ATAD2B: variants seen among roughly 807,000 people sequenced by gnomAD.
ATAD2B encodes ATPase family AAA domain-containing protein 2B.
ATAD2B carries 40 observed loss-of-function variants against 167.6 expected under a neutral mutation model. The ratio of observed to expected loss-of-function variants is 0.24; its 90% CI spans 0.19 to 0.31. The LOEUF is 0.31. Ranked by LOEUF, ATAD2B falls within the 10% of genes least tolerant of loss-of-function variation. The pLI is 1.00. For synonymous variants in ATAD2B, 579 were observed against 596.5 expected (o/e 0.97, Z 0.43); for missense variants, 1,242 against 1,757.2 (o/e 0.71, Z 5.24).
rs371141491 is a variant in ATAD2B, at chr2:23,906,658, C to A, written c.217-10688G>T. 9.6e-3 allele frequency among the ~76,000 whole-genome samples: 1,466 copies of A among 152,062 alleles called. 15 individuals are homozygous for A. The highest frequency in any genetic ancestry group is 0.037 in the Middle Eastern group (11 of 294). ...CTGATACCAAAGCCAGGCAGAGACA[C>A]AACCAAAAACGAGAATTTTAGACCA... On this transcript the variant is annotated intron_variant, in intron 1 of 27. Coordinates refer to ENST00000238789, the MANE Select transcript of ATAD2B (RefSeq NM_017552.4).
the ATAD2B span, among the ~76,000 whole-genome samples, chr2:23,701,363 G>A: frequency 1.3e-5 from 2 of 152,254 alleles, no homozygotes; most frequent in African/African-American, 2.4e-5. Flanking sequence ...ACTCCATCCT[G>A]CAGACACAGT....
At chr2:23,915,586 C>CT (rs869032768) in intron 1 of ATAD2B, among the ~76,000 whole-genome samples, 3,957 of 65,180 alleles carry the variant, frequency 0.061, 834 homozygotes, top group African/African-American at 0.11. Context: ...ACTACCGATT[C>CT]TTTTTTTTTT....
intron 22 of ATAD2B, among the ~76,000 whole-genome samples, chr2:23,779,416 C>A (rs1242347476): frequency 6.6e-6 from 1 of 151,918 alleles, no homozygotes; most frequent in Non-Finnish European, 1.5e-5. Flanking sequence ...ACCTCGTGAT[C>A]CACCCACCTC....
intron 1 of ATAD2B, among the ~76,000 whole-genome samples, chr2:23,905,242 G>A (rs1701334073): frequency 6.6e-6 from 1 of 152,110 alleles, no homozygotes; most frequent in African/African-American, 2.4e-5. Context: ...ACATGGTCAG[G>A]CATGATAGCT....
At chr2:23,883,730 A>T (rs1698295285) in intron 6 of ATAD2B, 2 of 570,972 alleles carry the variant, frequency 3.5e-6, no homozygotes, top group African/African-American at 2.0e-5. Context: ...CAGAATTTTT[A>T]AAAAACATAG....
At position 23,908,008 on chromosome 2, in the gene ATAD2B, AAG is replaced by A. The variant is rs1219177891; in HGVS notation, c.217-12040_217-12039del. On this transcript the variant is annotated intron_variant, in intron 1 of 27. Transcript: ENST00000238789. Reference sequence around the variant, plus strand: ...TCAATTCAAGATGGATTAAAGACTTAAGCGTTAGACCTAAAACCATAAAAACC... The same window carrying A: ...TCAATTCAAGATGGATTAAAGACTTACGTTAGACCTAAAACCATAAAAACC... Among the ~76,000 whole-genome samples the A allele has an allele frequency of 1.2e-4, 19 of 152,226 alleles. No individual in the cohort carries two copies. In the East Asian group the frequency reaches 1.9e-3, roughly 15 times the overall value.
Position 23,823,496 on chromosome 2 carries a change from C to A in ATAD2B, c.1893G>T (p.Gln631His). ...ALIALRRRYP[Q>H]IYASSHKLQL... Reference sequence around the variant, plus strand: ...GCAGTTTATGACTGCTAGCATAGATCTGGGGATAACGCCTCCGCAGTGCAA... The same window carrying A: ...GCAGTTTATGACTGCTAGCATAGATATGGGGATAACGCCTCCGCAGTGCAA... Residue 631 changes from glutamine (Q) to histidine (H), a missense_variant, in exon 16 of 28, where the codon CAG becomes CAT. Physicochemically the swap from Gln to His is conservative, Grantham distance 24 (BLOSUM62 0). Transcript: ENST00000238789. 1 of 1,613,844 alleles carries A rather than the reference C, an allele frequency of 6.2e-7. No individual in the cohort carries two copies. The highest frequency in any genetic ancestry group is 8.5e-7 in the Non-Finnish European group (1 of 1,179,886).
chr2:23,917,540 A>C (rs954056239), intron 1 of ATAD2B, among the ~76,000 whole-genome samples: 2 of 152,194 alleles, frequency 1.3e-5, no homozygotes, highest in African/African-American at 2.4e-5. Context: ...AGGGAAAGAT[A>C]GTAGCACAAG....
chr2:23,903,297 G>C (rs1701058000), intron 1 of ATAD2B, among the ~76,000 whole-genome samples: 1 of 147,954 alleles, frequency 6.8e-6, no homozygotes, highest in Non-Finnish European at 1.5e-5. Context: ...TATAGAAGTG[G>C]GAATATGTAT....
chr2:23,844,446 G>A (rs970064873), intron 13 of ATAD2B, among the ~76,000 whole-genome samples: 1 of 152,088 alleles, frequency 6.6e-6, no homozygotes, highest in Non-Finnish European at 1.5e-5. Flanking sequence ...AACACAATCC[G>A]TAATGAGAAA....
intron 15 of ATAD2B, among the ~76,000 whole-genome samples, chr2:23,828,308 G>A (rs1255837785): frequency 1.3e-5 from 2 of 151,970 alleles, no homozygotes; most frequent in Non-Finnish European, 1.5e-5. Flanking sequence ...CACTCTGTGG[G>A]GAGATCTTCC....
chr2:23,785,325 A>G (rs1680660278), intron 21 of ATAD2B, among the ~76,000 whole-genome samples: 1 of 152,148 alleles, frequency 6.6e-6, no homozygotes. Context: ...AGAGGCCAGT[A>G]AAGATTACAT....
intron 13 of ATAD2B, among the ~76,000 whole-genome samples, chr2:23,842,534 A>G (rs1324519401): frequency 6.6e-6 from 1 of 152,196 alleles, no homozygotes; most frequent in Non-Finnish European, 1.5e-5. Context: ...AGAAAAAGTA[A>G]GTTTCCTTCT....
intron 18 of ATAD2B, among the ~76,000 whole-genome samples, chr2:23,807,762 G>T (rs1386772428): frequency 1.4e-5 from 2 of 147,856 alleles, no homozygotes; most frequent in African/African-American, 5.0e-5. Context: ...GTTGCAGTGA[G>T]CTGAGATTGC....
intron 13 of ATAD2B, among the ~76,000 whole-genome samples, chr2:23,847,886 G>A (rs1287852216): frequency 2.7e-5 from 4 of 150,752 alleles, no homozygotes; most frequent in African/African-American, 9.8e-5. Context: ...CCAGCTACTC[G>A]GGAGGCTGAG....
At chr2:23,731,658 C>A in the ATAD2B span, among the ~76,000 whole-genome samples, 2 of 152,132 alleles carry the variant, frequency 1.3e-5, no homozygotes, top group Admixed American at 1.3e-4. Flanking sequence ...ATAAATGTAA[C>A]CCAATATATC....
At chr2:23,854,917 A>C (rs941058851) in intron 13 of ATAD2B, among the ~76,000 whole-genome samples, 1 of 151,926 alleles carries the variant, frequency 6.6e-6, no homozygotes, top group African/African-American at 2.4e-5. Flanking sequence ...AGACTGGGCC[A>C]GGGGTATTGT....
chr2:23,692,552 A>G, the ATAD2B span, among the ~76,000 whole-genome samples: 1 of 152,250 alleles, frequency 6.6e-6, no homozygotes, highest in Non-Finnish European at 1.5e-5. Flanking sequence ...CCGTGAGGAC[A>G]GAGGGGCACC....
chr2:23,833,856 G>T, intron 14 of ATAD2B, 63 bp downstream of exon 14: 1 of 1,281,946 alleles, frequency 7.8e-7, no homozygotes, highest in South Asian at 1.6e-5. Flanking sequence ...ATCACCCTCA[G>T]AACATATGCC....
Sources: gnomAD v4.1 joint callset for allele counts (sites outside exome capture counted in the v4.1 genomes callset) on GRCh38, gnomAD v4.1.1 for gene constraint, MANE v1.5 for transcripts, NCBI Gene and HGNC (gene_info 2026-07-23, HGNC 2026-07-21) for gene names.